Variants in STRN observed in about 807,000 individuals in gnomAD.
The protein encoded by STRN is striatin, also known as protein phosphatase 2 regulatory subunit B'''alpha.
STRN carries 53 observed loss-of-function variants against 96.3 expected under a neutral mutation model. The observed-to-expected ratio is 0.55, with a 90% CI of 0.44 to 0.69. The LOEUF (loss-of-function observed/expected upper bound fraction) is 0.69. Ranked by LOEUF, STRN falls within the 30% of genes least tolerant of loss-of-function variation. The probability of loss-of-function intolerance (pLI) is 0.00; values close to 1 mark genes in which losing one functional copy is unlikely to be tolerated. For missense variants in STRN, 987 were observed against 963.9 expected (o/e 1.02, Z -0.32); for synonymous variants, 428 against 355.9 (o/e 1.20, Z -2.28).
At chr2:36,933,271 T>C (rs1187437776) in intron 1 of STRN, among the ~76,000 whole-genome samples, 1 of 152,198 alleles carries the variant, frequency 6.6e-6, no homozygotes, top group Non-Finnish European at 1.5e-5. Context: ...TGGGAGGGTG[T>C]GCATAGTTTA....
chr2:36,925,092 T>C lies in STRN; in HGVS notation c.338+13A>G. On this transcript the variant is annotated intron_variant, in intron 2 of 17. Transcript: ENST00000263918. ...AACAAAAAAGAACACCACTTTTCAT[T>C]TTACTGAATTACCTTTCCTGTTTAA... The C allele has an allele frequency of 1.3e-6, 2 of 1,596,862 alleles. No homozygotes were observed. Among genetic ancestry groups the C allele is most frequent in the Non-Finnish European group, 1.7e-6 (2 of 1,166,682 alleles).
intron 12 of STRN, among the ~76,000 whole-genome samples, chr2:36,863,577 T>C (rs569441836): frequency 8.2e-4 from 125 of 152,346 alleles, no homozygotes; most frequent in African/African-American, 2.9e-3. Context: ...ACTACAGCCC[T>C]GTAGTATAGT....
At chr2:36,954,031 A>G (rs1285433065) in intron 1 of STRN, among the ~76,000 whole-genome samples, 1 of 152,184 alleles carries the variant, frequency 6.6e-6, no homozygotes, top group Non-Finnish European at 1.5e-5. Flanking sequence ...AATTAAAAAT[A>G]AACTAAAAAT....
At chr2:36,894,253 A>G (rs750943733) in intron 6 of STRN, among the ~76,000 whole-genome samples, 1 of 152,260 alleles carries the variant, frequency 6.6e-6, no homozygotes. Context: ...TGTTTTAAGT[A>G]AACTAACGGA....
At chr2:36,855,491 A>T (rs1668322081) in intron 14 of STRN, 139 bp from the exon 15 acceptor site, 5 of 809,006 alleles carry the variant, frequency 6.2e-6, no homozygotes, top group Non-Finnish European at 7.5e-6. Flanking sequence ...ATTAGCTCAT[A>T]ACTATTCATT....
intron 1 of STRN, among the ~76,000 whole-genome samples, chr2:36,966,011 G>A (rs976332241): frequency 6.6e-6 from 1 of 151,860 alleles, no homozygotes; most frequent in East Asian, 1.9e-4. Flanking sequence ...CGTGGGGAGG[G>A]TAAACAACGC....
In STRN at chr2:36,839,205, G is replaced by A. The variant is rs997992908; in HGVS notation, c.*10251C>T. ...TTCATTTCTGTCACTTTCTTAACCT[G>A]AAAAACATCAAATCATCCCCCTTCC... On this transcript the variant is annotated 3_prime_UTR_variant, in exon 18 of 18. Transcript: ENST00000263918. 1.3e-5 allele frequency among the ~76,000 whole-genome samples: 2 copies of A among 152,022 alleles called. No homozygotes were observed. The highest frequency in any genetic ancestry group is 6.6e-5 in the Admixed American group (1 of 15,238).
chr2:36,900,602 A>G (rs1295990897), intron 5 of STRN, among the ~76,000 whole-genome samples: 1 of 152,184 alleles, frequency 6.6e-6, no homozygotes, highest in South Asian at 2.1e-4. Context: ...TAAATTTAGT[A>G]AAGACTGGCT....
chr2:36,935,878 T>C (rs915898712), intron 1 of STRN, among the ~76,000 whole-genome samples: 6 of 152,202 alleles, frequency 3.9e-5, no homozygotes, highest in South Asian at 2.1e-4. Flanking sequence ...TCCTTAACCT[T>C]TGAACATTTT....
At position 36,933,826 on chromosome 2, in the gene STRN, TA is replaced by T. The variant is rs1670634503; in HGVS notation, c.235-8619del. On this transcript the variant is annotated intron_variant, in intron 1 of 17. Coordinates refer to ENST00000263918, the MANE Select transcript of STRN (RefSeq NM_003162.4). The stretch of plus-strand genomic sequence containing the variant: ...CTCTAAACAGTTTAAGAAAAAAAAC[TA>T]GGCTGGGCACGGTGGCTTAACCTTG... Among the ~76,000 whole-genome samples, 3 of 152,230 alleles carry T rather than the reference TA, an allele frequency of 2.0e-5. No individual in the cohort carries two copies. The East Asian group carries it at 5.8e-4, about 30-fold the overall frequency.
chr2:36,849,977 T>C (rs1414741134), intron 16 of STRN, among the ~76,000 whole-genome samples, 177 bp from the exon 17 acceptor site: 4 of 152,212 alleles, frequency 2.6e-5, no homozygotes, highest in Non-Finnish European at 5.9e-5. Flanking sequence ...ATGGCAATGA[T>C]ATGGAAAACC....
At chr2:36,926,448 T>A (rs1454317059) in intron 1 of STRN, among the ~76,000 whole-genome samples, 1 of 152,210 alleles carries the variant, frequency 6.6e-6, no homozygotes, top group Non-Finnish European at 1.5e-5. Context: ...GTATCTACAG[T>A]GCTTTCCATT....
rs568333616 is a variant in STRN at position 36,861,211 on chromosome 2, C to G, written c.1590G>C (p.Gln530His). The G allele has an allele frequency of 1.9e-6, 3 of 1,614,106 alleles. No homozygotes were observed. In the South Asian group the frequency reaches 3.3e-5, roughly 18 times the overall value. ...LCVVMSSNGE[Q>H]CYSGGTDGLI... is the part of the protein sequence containing the mutation. ...GTCCATCAGTACCACCACTGTAACA[C>G]TGCTCACCATTGCTGCTCATTACCA... is the stretch of plus-strand genomic sequence containing the variant. The change falls in exon 13 of 18, where the codon CAG becomes CAC. Residue 530 changes from glutamine to histidine, a missense_variant. Transcript: ENST00000263918.
intron 14 of STRN, 40 bp from the exon 15 acceptor site, chr2:36,855,392 A>G (rs987786091): frequency 3.1e-6 from 5 of 1,603,638 alleles, no homozygotes; most frequent in African/African-American, 1.3e-5. Context: ...CAATTAAACC[A>G]TCTACTTGAC....
rs751382921 is a variant in STRN at position 36,893,936 on chromosome 2, T to C, written c.893A>G (p.Asp298Gly). The C allele has an allele frequency of 1.2e-6, 2 of 1,613,366 alleles. No individual in the cohort carries two copies. Among genetic ancestry groups the C allele is most frequent in the East Asian group, 4.5e-5 (2 of 44,806 alleles). The change falls in exon 7 of 18, where the codon GAC becomes GGC. Residue 298 changes from aspartate (D) to glycine (G), a missense_variant. By Grantham distance (94) the Asp-to-Gly change is moderately conservative. Transcript: ENST00000263918. ...FDFLVTSEEG[D>G]NESRSAGDGT... The stretch of plus-strand genomic sequence containing the variant: ...ATCGCCTGCACTTCTAGATTCATTG[T>C]CTCCTTCCTCTGATGTAACCAAGAA...
chr2:36,909,449 A>G, intron 3 of STRN, among the ~76,000 whole-genome samples: 1 of 152,202 alleles, frequency 6.6e-6, no homozygotes, highest in East Asian at 1.9e-4. Flanking sequence ...ACCAACTATA[A>G]AACAAAACAG....
chr2:36,966,404 A>G lies in STRN; in HGVS notation c.60T>C (p.Gly20=), dbSNP rs1186415852. The G allele has an allele frequency of 1.4e-6, 2 of 1,457,644 alleles. No individual in the cohort carries two copies. The highest frequency in any genetic ancestry group is 3.0e-5 in the East Asian group (1 of 32,920). The allele number at this position is 1,457,644 out of a possible 1,614,324, so 90.3% of individuals were successfully genotyped here. Residue 20 remains glycine (G), a synonymous_variant, in exon 1 of 18, where the codon GGT becomes GGC. Transcript: ENST00000263918. ...FFSNNHPGAG[G]AKGLGPLAEA... ...CCGCCAGAGGCCCGAGCCCCTTGGC[A>G]CCGCCGGCGCCCGGGTGGTTGTTGC...
chr2:36,946,370 G>C (rs754341893), intron 1 of STRN, among the ~76,000 whole-genome samples: 4 of 152,100 alleles, frequency 2.6e-5, no homozygotes, highest in South Asian at 2.1e-4. Context: ...GAAATAACCA[G>C]TTAAGAGATA....
In STRN at chr2:36,920,947, C is replaced by T. The variant is rs10207935; in HGVS notation, c.338+4158G>A. 9.2e-3 allele frequency among the ~76,000 whole-genome samples: 1,390 copies of T among 151,780 alleles called. 26 individuals carry two copies. The highest frequency in any genetic ancestry group is 0.032 in the African/African-American group (1,332 of 41,376). On this transcript the variant is annotated intron_variant, in intron 2 of 17. Coordinates refer to ENST00000263918, the MANE Select transcript of STRN (RefSeq NM_003162.4). ...AAAATTAGCCCAGTGTGGTGGTAAA[C>T]GCCTGTAGTCCCAGCTACTCAGGAG...
Sources: gnomAD v4.1 joint callset for allele counts (sites outside exome capture counted in the v4.1 genomes callset) on GRCh38, gnomAD v4.1.1 for gene constraint, MANE v1.5 for transcripts, NCBI Gene and HGNC (gene_info 2026-07-23, HGNC 2026-07-21) for gene names.